GRM7: variants seen among roughly 807,000 people sequenced by gnomAD.
The protein encoded by GRM7 is metabotropic glutamate receptor 7.
A neutral mutation model predicts 84.5 loss-of-function variants in GRM7; 35 were observed. That is an observed-to-expected ratio of 0.41 (90% CI 0.32 to 0.55). The LOEUF is 0.55. Ranked by LOEUF, GRM7 falls within the 20% of genes least tolerant of loss-of-function variation. The probability of loss-of-function intolerance (pLI) is 0.19; values close to 1 mark genes in which losing one functional copy is unlikely to be tolerated. For missense variants in GRM7, 1,003 were observed against 1,194.6 expected (o/e 0.84, Z 2.36); for synonymous variants, 487 against 455.1 (o/e 1.07, Z -0.89).
chr3:7,564,174 A>G (rs990160618), intron 7 of GRM7, among the ~76,000 whole-genome samples: 1 of 152,228 alleles, frequency 6.6e-6, no homozygotes, highest in African/African-American at 2.4e-5. Flanking sequence ...TTACTCTCCA[A>G]TGGGAGCAAG....
chr3:7,734,694 G>T (rs1381710069), intron 9 of GRM7, among the ~76,000 whole-genome samples: 1 of 152,156 alleles, frequency 6.6e-6, no homozygotes, highest in African/African-American at 2.4e-5. Flanking sequence ...CATTCTCCTG[G>T]GAGATGGAGA....
chr3:7,114,293 C>T (rs986337325), intron 1 of GRM7, among the ~76,000 whole-genome samples: 52 of 152,196 alleles, frequency 3.4e-4, no homozygotes, highest in African/African-American at 1.2e-3. Flanking sequence ...CAAATGCAAC[C>T]CATTCTGAAG....
intron 1 of GRM7, among the ~76,000 whole-genome samples, chr3:6,881,921 T>TTTTGTGTG (rs1553579989): frequency 6.9e-6 from 1 of 144,612 alleles, no homozygotes; most frequent in African/African-American, 2.5e-5. Flanking sequence ...GGCAATTGAA[T>TTTTGTGTG]TGTGTGTGTG....
intron 1 of GRM7, among the ~76,000 whole-genome samples, chr3:7,075,503 T>C (rs1234217324): frequency 0.06 from 4,063 of 67,476 alleles, 78 homozygotes; most frequent in African/African-American, 0.092. Flanking sequence ...CAGATGTGTG[T>C]GTGTGTGTGT....
At chr3:7,649,368 G>A (rs1698821085) in intron 8 of GRM7, among the ~76,000 whole-genome samples, 1 of 152,174 alleles carries the variant, frequency 6.6e-6, no homozygotes, top group African/African-American at 2.4e-5. Context: ...GATTACAGGT[G>A]TGAGCCACCG....
At chr3:7,521,699 A>G (rs1039697086) in intron 7 of GRM7, among the ~76,000 whole-genome samples, 5 of 151,922 alleles carry the variant, frequency 3.3e-5, no homozygotes, top group African/African-American at 1.2e-4. Flanking sequence ...CTTTCTAGAC[A>G]TGAGTTCATG....
At chr3:7,390,864 A>T (rs12497359) in intron 4 of GRM7, among the ~76,000 whole-genome samples, 79,071 of 151,738 alleles carry the variant, frequency 0.52, 21,233 homozygotes, top group Non-Finnish European at 0.61. Context: ...TTTTATTCTG[A>T]TTAGGATCCA....
At chr3:7,539,327 T>G (rs573405555) in intron 7 of GRM7, among the ~76,000 whole-genome samples, 1 of 152,296 alleles carries the variant, frequency 6.6e-6, no homozygotes, top group African/African-American at 2.4e-5. Context: ...GCTTTTCACC[T>G]GACGATCAGG....
intron 1 of GRM7, among the ~76,000 whole-genome samples, chr3:7,103,984 ATT>A (rs1699213039): frequency 6.6e-6 from 1 of 151,472 alleles, no homozygotes; most frequent in Admixed American, 6.6e-5. Context: ...ACCATTGTGA[ATT>A]TGTCCCCACC....
intron 1 of GRM7, among the ~76,000 whole-genome samples, chr3:7,104,520 G>A (rs17046770): frequency 0.028 from 4,188 of 151,744 alleles, 190 homozygotes; most frequent in African/African-American, 0.096. Flanking sequence ...CATTATCAGC[G>A]CTACAGAAAT....
At chr3:7,298,611 C>T in intron 2 of GRM7, 73 bp from the exon 3 acceptor site, 2 of 1,286,404 alleles carry the variant, frequency 1.6e-6, no homozygotes, top group Non-Finnish European at 1.1e-6. Context: ...ATCTCCTCCT[C>T]ATCTACCTTC....
At chr3:7,736,651 G>C (rs1055047192) in intron 9 of GRM7, among the ~76,000 whole-genome samples, 39 of 152,204 alleles carry the variant, frequency 2.6e-4, no homozygotes, top group African/African-American at 8.9e-4. Context: ...AGATACTATG[G>C]GGGGATGGGG....
At chr3:7,525,779 C>T (rs913735115) in intron 7 of GRM7, among the ~76,000 whole-genome samples, 1 of 152,032 alleles carries the variant, frequency 6.6e-6, no homozygotes, top group Non-Finnish European at 1.5e-5. Context: ...CAATGTTTAG[C>T]TCTCACTTAT....
chr3:6,991,969 T>G (rs1286771733), intron 1 of GRM7, among the ~76,000 whole-genome samples: 1 of 151,448 alleles, frequency 6.6e-6, no homozygotes, highest in Non-Finnish European at 1.5e-5. Flanking sequence ...TTGTTTTATG[T>G]TCAAAAAGGA....
chr3:6,945,872 T>C (rs937144573), intron 1 of GRM7, among the ~76,000 whole-genome samples: 1 of 152,244 alleles, frequency 6.6e-6, no homozygotes, highest in Admixed American at 6.5e-5. Context: ...TTTTGAGAAG[T>C]GTCTGTTCAT....
chr3:7,384,459 T>C (rs950658474), intron 4 of GRM7, among the ~76,000 whole-genome samples: 15 of 152,122 alleles, frequency 9.9e-5, no homozygotes, highest in African/African-American at 3.4e-4. Context: ...AGAAATATAA[T>C]CCAATAATAC....
chr3:6,991,025 C>T (rs564069865), intron 1 of GRM7, among the ~76,000 whole-genome samples: 14 of 152,162 alleles, frequency 9.2e-5, no homozygotes, highest in Admixed American at 5.9e-4. Context: ...GACATGATCA[C>T]GCCACTGCAC....
intron 1 of GRM7, among the ~76,000 whole-genome samples, chr3:6,885,643 C>T (rs1425323198): frequency 1.3e-5 from 2 of 152,146 alleles, no homozygotes; most frequent in Admixed American, 1.3e-4. Context: ...GTAGGAAAAG[C>T]ATTATTTTCT....
Position 7,486,560 on chromosome 3 carries a change from C to A in GRM7, c.1515+24838C>A, listed in dbSNP as rs113213892. Among the ~76,000 whole-genome samples, 1 of 152,108 alleles carries A rather than the reference C, an allele frequency of 6.6e-6. No homozygotes were observed. Among genetic ancestry groups the A allele is most frequent in the Non-Finnish European group, 1.5e-5 (1 of 68,028 alleles). On this transcript the variant is annotated intron_variant, in intron 7 of 9. Coordinates refer to ENST00000357716, the MANE Select transcript of GRM7 (RefSeq NM_000844.4). This position sits in a 1 kb window ranked among gnomAD's most constrained non-coding sequence, Gnocchi z 5.5. ...TTTGCCAGAAAAGTGGGGTGCTATA[C>A]AGCAAGTCTGCCTCACAAGTTTGTT... is the stretch of plus-strand genomic sequence containing the variant.
Sources: gnomAD v4.1 joint callset for allele counts (sites outside exome capture counted in the v4.1 genomes callset) on GRCh38, gnomAD v4.1.1 for gene constraint, Gnocchi (gnomAD v3.1) non-coding constraint, MANE v1.5 for transcripts, NCBI Gene and HGNC (gene_info 2026-07-23, HGNC 2026-07-21) for gene names.